The following IPCEF1 variants were observed in gnomAD, a reference collection of about 807,000 sequenced individuals.
IPCEF1 encodes interaction protein for cytohesin exchange factors 1, also known as interactor protein for cytohesin exchange factors 1.
In IPCEF1, 31 loss-of-function variants were observed where a neutral mutation model predicts 50.9. That is an observed-to-expected ratio of 0.61 (90% CI 0.46 to 0.82). The LOEUF (loss-of-function observed/expected upper bound fraction) is 0.82. Ranked by LOEUF, IPCEF1 falls within the 40% of genes least tolerant of loss-of-function variation. The pLI is 0.00. For synonymous variants in IPCEF1, 181 were observed against 192.0 expected, an observed-to-expected ratio of 0.94 and a Z score of 0.47; for missense variants, 458 against 514.0, an observed-to-expected ratio of 0.89 and a Z score of 1.05.
intron 5 of IPCEF1, among the ~76,000 whole-genome samples, chr6:154,239,959 C>T (rs186855095): frequency 3.7e-4 from 56 of 152,312 alleles, no homozygotes; most frequent in South Asian, 2.3e-3. Flanking sequence ...ACCTCAGCCA[C>T]CCAAAGTGCT....
intron 1 of IPCEF1, among the ~76,000 whole-genome samples, chr6:154,323,411 C>G (rs1185162742): frequency 6.6e-6 from 1 of 151,992 alleles, no homozygotes; most frequent in African/African-American, 2.4e-5. Context: ...TTGATGTTCC[C>G]CCTATTGATT....
intron 10 of IPCEF1, among the ~76,000 whole-genome samples, chr6:154,198,631 T>TAC (rs3070838): frequency 0.072 from 10,538 of 146,750 alleles, 458 homozygotes; most frequent in East Asian, 0.22. Context: ...AAATATTACA[T>TAC]ACACACACAC....
intron 10 of IPCEF1, among the ~76,000 whole-genome samples, chr6:154,171,723 G>C (rs1400344692): frequency 6.6e-6 from 1 of 152,210 alleles, no homozygotes; most frequent in African/African-American, 2.4e-5. Context: ...CACAGTCATG[G>C]GGTCAAGCTG....
chr6:154,271,574 C>T (rs749727887), intron 2 of IPCEF1, among the ~76,000 whole-genome samples: 7 of 152,026 alleles, frequency 4.6e-5, no homozygotes, highest in East Asian at 1.9e-4. Flanking sequence ...TTACAATATG[C>T]CAGAAACCAC....
rs546159754 is a variant in IPCEF1, at chr6:154,177,804, A to T, written c.911-9691T>A. Among the ~76,000 whole-genome samples, 3 of 152,350 alleles carry T rather than the reference A, an allele frequency of 2.0e-5. No homozygotes were observed. The South Asian group carries it at 6.2e-4, about 32-fold the overall frequency. The stretch of plus-strand genomic sequence containing the variant: ...CCATTACTGGGTATATATCCAAAGG[A>T]TTATAAATCATGCTACTATAAAGAC... On this transcript the variant is annotated intron_variant, in intron 10 of 11. Transcript: ENST00000367220.
chr6:154,180,294 A>C (rs1188876359), intron 10 of IPCEF1, among the ~76,000 whole-genome samples: 2 of 151,588 alleles, frequency 1.3e-5, no homozygotes, highest in African/African-American at 4.9e-5. Context: ...AGACTCCTAA[A>C]CTTTCTTCAA....
chr6:154,299,798 G>T (rs956178406), intron 1 of IPCEF1, among the ~76,000 whole-genome samples: 1 of 140,134 alleles, frequency 7.1e-6, no homozygotes, highest in Non-Finnish European at 1.6e-5. Flanking sequence ...TGGATGGATA[G>T]AGGGATGGAT....
At chr6:154,329,004 A>G (rs764801403) in intron 1 of IPCEF1, among the ~76,000 whole-genome samples, 1 of 152,218 alleles carries the variant, frequency 6.6e-6, no homozygotes, top group Non-Finnish European at 1.5e-5. Flanking sequence ...ATCTTTTTTC[A>G]AAGCAACTTA....
At chr6:154,315,588 G>A (rs775830580) in intron 1 of IPCEF1, among the ~76,000 whole-genome samples, 16 of 152,070 alleles carry the variant, frequency 1.1e-4, no homozygotes, top group Admixed American at 3.3e-4. Flanking sequence ...AGATGGGAAT[G>A]GGCCAGTATC....
chr6:154,286,527 C>T (rs955923900), intron 2 of IPCEF1, among the ~76,000 whole-genome samples: 33 of 152,192 alleles, frequency 2.2e-4, no homozygotes, highest in Non-Finnish European at 1.2e-4. Context: ...TCAAGACTTT[C>T]TCTTATGTAA....
chr6:154,286,258 C>G (rs994129890), intron 2 of IPCEF1, among the ~76,000 whole-genome samples: 1 of 152,156 alleles, frequency 6.6e-6, no homozygotes, highest in Non-Finnish European at 1.5e-5. Context: ...GGGCTTAAAA[C>G]CTAGATGACG....
At chr6:154,188,060 A>G (rs1262421174) in intron 10 of IPCEF1, among the ~76,000 whole-genome samples, 2 of 152,244 alleles carry the variant, frequency 1.3e-5, no homozygotes, top group African/African-American at 4.8e-5. Flanking sequence ...AGTGTTTGGA[A>G]AGGAAAAAAG....
chr6:154,260,223 G>A (rs1381812731), intron 3 of IPCEF1, among the ~76,000 whole-genome samples: 1 of 152,154 alleles, frequency 6.6e-6, no homozygotes, highest in Non-Finnish European at 1.5e-5. Context: ...AACCACAGTA[G>A]CAGACATAAA....
chr6:154,175,984 C>G (rs191428817), intron 10 of IPCEF1, among the ~76,000 whole-genome samples: 1 of 152,114 alleles, frequency 6.6e-6, no homozygotes, highest in Non-Finnish European at 1.5e-5. Flanking sequence ...ACAATCAAGT[C>G]GGCTTCATCC....
chr6:154,232,119 C>T (rs542078353), intron 5 of IPCEF1, among the ~76,000 whole-genome samples: 2 of 152,242 alleles, frequency 1.3e-5, no homozygotes, highest in East Asian at 1.9e-4. Context: ...CATACAATAG[C>T]GTCCATGGCA....
intron 9 of IPCEF1, among the ~76,000 whole-genome samples, chr6:154,206,485 A>T (rs1777505012): frequency 6.6e-6 from 1 of 152,242 alleles, no homozygotes; most frequent in Non-Finnish European, 1.5e-5. Flanking sequence ...GCACAGTCAT[A>T]AATGATGTGG....
chr6:154,285,689 G>A (rs1053386316), intron 2 of IPCEF1, among the ~76,000 whole-genome samples: 2 of 152,058 alleles, frequency 1.3e-5, no homozygotes, highest in Non-Finnish European at 2.9e-5. Context: ...CAAAAATTAT[G>A]AGCCTTCAAG....
chr6:154,208,239 G>A (rs769702973), intron 9 of IPCEF1, among the ~76,000 whole-genome samples: 5 of 151,946 alleles, frequency 3.3e-5, no homozygotes, highest in Admixed American at 1.3e-4. Flanking sequence ...GGTTCACCCC[G>A]CGTCAGCCAC....
intron 10 of IPCEF1, among the ~76,000 whole-genome samples, chr6:154,185,508 T>C (rs1801261063): frequency 6.6e-6 from 1 of 152,212 alleles, no homozygotes; most frequent in African/African-American, 2.4e-5. Context: ...GTCTAGTTTG[T>C]ATGGCTGATA....
Sources: gnomAD v4.1 joint callset for allele counts (sites outside exome capture counted in the v4.1 genomes callset) on GRCh38, gnomAD v4.1.1 for gene constraint, MANE v1.5 for transcripts, NCBI Gene and HGNC (gene_info 2026-07-23, HGNC 2026-07-21) for gene names.